CELF2: variants seen among roughly 807,000 people sequenced by gnomAD.
CELF2 encodes CUG triplet repeat RNA-binding protein 2.
CELF2 carries 8 observed loss-of-function variants against 62.6 expected under a neutral mutation model. The observed-to-expected ratio is 0.13, with a 90% CI of 0.07 to 0.23. The LOEUF (loss-of-function observed/expected upper bound fraction) is 0.23, where lower values mean the gene tolerates loss of function less well. CELF2 is among the 10% of genes least tolerant of loss of function. CELF2 has a pLI of 1.00. For missense variants in CELF2, 333 were observed against 671.0 expected (o/e 0.50, Z 5.56); for synonymous variants, 258 against 250.0 (o/e 1.03, Z -0.30).
At chr10:10,961,016 C>G (rs1178868815) in intron 2 of CELF2, among the ~76,000 whole-genome samples, 2 of 152,190 alleles carry the variant, frequency 1.3e-5, no homozygotes, top group Non-Finnish European at 1.5e-5. Context: ...AATATTTCTC[C>G]CTGTTTCATT....
chr10:11,324,464 C>A lies in CELF2; in HGVS notation c.1295-1372C>A, dbSNP rs2095620440. Among the ~76,000 whole-genome samples the A allele has an allele frequency of 6.6e-6, 1 of 152,174 alleles. No individual in the cohort carries two copies. On this transcript the variant is annotated intron_variant, in intron 11 of 12. Transcript: ENST00000633077. The surrounding 1 kb of genome is among the most constrained non-coding windows in gnomAD (Gnocchi z 4.7). ...GAAAACATCTGGGGACCAAAGGCCC[C>A]CCTGCAATTGTGTCCCTTTAAAATA...
At chr10:10,708,308 A>G in the CELF2 span, among the ~76,000 whole-genome samples, 1 of 152,200 alleles carries the variant, frequency 6.6e-6, no homozygotes, top group Admixed American at 6.5e-5. Context: ...AGAAGAGGAA[A>G]TTGAGACCCA....
chr10:11,086,578 T>TAAAAAAAAAAAAGAAAA lies in CELF2; in HGVS notation c.74+68427_74+68428insGAAAAAAAAAAAAAAAA, dbSNP rs2046800032. ...AATCCATGTCTCCATTTGCATTTGT[T>TAAAAAAAAAAAAGAAAA]AAAAAAAAAAAAAAAAAAAAAAAAA... On this transcript the variant is annotated intron_variant, in intron 1 of 12. Transcript: ENST00000633077. Among the ~76,000 whole-genome samples the TAAAAAAAAAAAAGAAAA allele has an allele frequency of 2.2e-4, 16 of 71,984 alleles. 1 individual carries two copies. Among genetic ancestry groups the TAAAAAAAAAAAAGAAAA allele is most frequent in the African/African-American group, 8.2e-4 (15 of 18,240 alleles). 47.2% of individuals were successfully genotyped at this position (71,984 alleles called of 152,430 possible).
the CELF2 span, among the ~76,000 whole-genome samples, chr10:10,523,683 C>T: frequency 0.24 from 36,796 of 152,096 alleles, 5,251 homozygotes; most frequent in Non-Finnish European, 0.33. Context: ...TTAATAAACA[C>T]TTATTGAACA....
chr10:10,543,405 C>T, the CELF2 span, among the ~76,000 whole-genome samples: 8 of 152,304 alleles, frequency 5.3e-5, no homozygotes, highest in East Asian at 9.7e-4. Flanking sequence ...AGGTCCTTTA[C>T]AGGAGCTAGT....
chr10:10,786,299 G>T, the CELF2 span, among the ~76,000 whole-genome samples: 1 of 152,064 alleles, frequency 6.6e-6, no homozygotes, highest in African/African-American at 2.4e-5. Flanking sequence ...CATGTTAAGG[G>T]TTATCATGAA....
the CELF2 span, among the ~76,000 whole-genome samples, chr10:10,602,646 A>C: frequency 1.3e-5 from 2 of 152,206 alleles, no homozygotes; most frequent in African/African-American, 4.8e-5. Context: ...AACTTTTGGC[A>C]GTAAGTCTCC....
chr10:10,646,123 G>A, the CELF2 span, among the ~76,000 whole-genome samples: 4 of 152,104 alleles, frequency 2.6e-5, no homozygotes, highest in Non-Finnish European at 4.4e-5. Context: ...GGCATGTGTT[G>A]GTCTGTTTTT....
intron 2 of CELF2, among the ~76,000 whole-genome samples, chr10:11,190,579 C>G (rs2076053241): frequency 6.6e-6 from 1 of 151,162 alleles, no homozygotes; most frequent in Non-Finnish European, 1.5e-5. Flanking sequence ...ACAGCAGTAA[C>G]TCCCAGTAGG....
At chr10:10,622,490 A>G in the CELF2 span, among the ~76,000 whole-genome samples, 23 of 151,976 alleles carry the variant, frequency 1.5e-4, no homozygotes, top group African/African-American at 5.3e-4. Flanking sequence ...ATATATATAT[A>G]TGTAATAAAA....
intron 2 of CELF2, among the ~76,000 whole-genome samples, chr10:11,187,582 C>CCG (rs1565172250): frequency 2.8e-4 from 42 of 149,752 alleles, no homozygotes; most frequent in African/African-American, 1.0e-3. Flanking sequence ...CGCCCCCCCC[C>CCG]CAACCTGTTC....
chr10:11,266,744 C>A, intron 6 of CELF2, 67 bp downstream of exon 6: 1 of 1,283,782 alleles, frequency 7.8e-7, no homozygotes, highest in Non-Finnish European at 1.1e-6. Flanking sequence ...AAGCAATTCT[C>A]TCCTGTGTGG....
At chr10:10,665,212 T>G in the CELF2 span, among the ~76,000 whole-genome samples, 1 of 152,052 alleles carries the variant, frequency 6.6e-6, no homozygotes. Context: ...GTTCCTAGGG[T>G]CAAAGAGTAT....
intron 2 of CELF2, among the ~76,000 whole-genome samples, chr10:11,190,432 G>C (rs533395282): frequency 3.3e-5 from 5 of 152,118 alleles, no homozygotes; most frequent in African/African-American, 1.2e-4. Flanking sequence ...TTTCTTCTCT[G>C]TGTGTCAGTT....
At chr10:10,624,771 A>G in the CELF2 span, among the ~76,000 whole-genome samples, 3 of 152,196 alleles carry the variant, frequency 2.0e-5, no homozygotes, top group Non-Finnish European at 2.9e-5. Flanking sequence ...CAGTCGTCCC[A>G]GGTTCCAAGA....
Position 11,331,453 on chromosome 10 carries a change from T to G in CELF2, c.*2400T>G, listed in dbSNP as rs373525931. The G allele has an allele frequency of 0.014, 30 of 2,110 alleles. No homozygotes were observed. In the Admixed American group the frequency reaches 0.28, roughly 20 times the overall value. 0.1% of individuals were successfully genotyped at this position (2,110 alleles called of 1,614,324 possible). ...AGATGTGTTTGTGTTCAGCAAAATGTGATGTTTTTTTCTTTTAAAGAAAAA... is the reference window on the plus strand; with the variant it reads ...AGATGTGTTTGTGTTCAGCAAAATGGGATGTTTTTTTCTTTTAAAGAAAAA... On this transcript the variant is annotated 3_prime_UTR_variant, in exon 13 of 13. Coordinates refer to ENST00000633077, the MANE Select transcript of CELF2 (RefSeq NM_001326342.2).
chr10:10,954,916 A>G (rs2048733418), intron 2 of CELF2, among the ~76,000 whole-genome samples: 1 of 152,272 alleles, frequency 6.6e-6, no homozygotes, highest in South Asian at 2.1e-4. Context: ...TAATATGCTC[A>G]TGCATTTATC....
At chr10:10,486,519 T>C in the CELF2 span, among the ~76,000 whole-genome samples, 1 of 152,186 alleles carries the variant, frequency 6.6e-6, no homozygotes, top group African/African-American at 2.4e-5. Context: ...ATTCCGTATC[T>C]CAAAAGCTTG....
At chr10:10,588,744 G>A in the CELF2 span, among the ~76,000 whole-genome samples, 1 of 152,194 alleles carries the variant, frequency 6.6e-6, no homozygotes. Flanking sequence ...TTACAGCAAA[G>A]CCATTAATTG....
Sources: allele counts gnomAD v4.1 joint callset (sites outside exome capture counted in the v4.1 genomes callset), GRCh38; gene constraint gnomAD v4.1.1; non-coding constraint Gnocchi (gnomAD v3.1); transcripts MANE v1.5; gene names NCBI Gene and HGNC (gene_info 2026-07-23, HGNC 2026-07-21).